ZNF532: variants seen among roughly 807,000 people sequenced by gnomAD.
ZNF532 encodes zinc finger protein 532.
A neutral mutation model predicts 89.3 loss-of-function variants in ZNF532; 22 were observed. The ratio of observed to expected loss-of-function variants is 0.25; its 90% CI spans 0.18 to 0.35. ZNF532 has a LOEUF of 0.35. Ranked by LOEUF, ZNF532 falls within the 10% of genes least tolerant of loss-of-function variation. ZNF532 has a pLI of 1.00. For missense variants in ZNF532, 1,132 were observed against 1,643.4 expected, an observed-to-expected ratio of 0.69 and a Z score of 5.38; for synonymous variants, 606 against 649.6, an observed-to-expected ratio of 0.93 and a Z score of 1.02.
chr18:58,872,383 C>G (rs1266616683), intron 2 of ZNF532, among the ~76,000 whole-genome samples: 1 of 152,186 alleles, frequency 6.6e-6, no homozygotes, highest in Non-Finnish European at 1.5e-5. Flanking sequence ...AAGGCTGACT[C>G]CCGGGGCTAG....
rs1244497694 is a variant in ZNF532 at position 58,864,877 on chromosome 18, A to C, written c.-636A>C. The C allele has an allele frequency of 6.6e-6, 1 of 152,338 alleles. No individual in the cohort carries two copies. Among genetic ancestry groups the C allele is most frequent in the Admixed American group, 6.5e-5 (1 of 15,284 alleles). 9.4% of individuals were successfully genotyped at this position (152,338 alleles called of 1,614,324 possible). ...CACAATGCAGTCACTGAGCTACTACAGTAGGATAGCAGCTTCCTCCCTTCA... is the reference window on the plus strand; with the variant it reads ...CACAATGCAGTCACTGAGCTACTACCGTAGGATAGCAGCTTCCTCCCTTCA... On this transcript the variant is annotated 5_prime_UTR_variant, in exon 1 of 10. Coordinates refer to ENST00000591808, the MANE Select transcript of ZNF532 (RefSeq NM_001375912.1).
intron 5 of ZNF532, among the ~76,000 whole-genome samples, chr18:58,941,710 C>T (rs1265239592): frequency 3.3e-5 from 5 of 152,164 alleles, no homozygotes; most frequent in South Asian, 4.2e-4. Context: ...CTCAAGCAGT[C>T]CTCTCAAAGT....
intron 7 of ZNF532, among the ~76,000 whole-genome samples, chr18:58,961,447 C>T (rs1207416647): frequency 1.3e-5 from 2 of 152,194 alleles, no homozygotes; most frequent in Non-Finnish European, 2.9e-5. Flanking sequence ...ATTGTCTCAA[C>T]GTAGGTGTTA....
chr18:58,890,918 C>G (rs1327768335), intron 2 of ZNF532, among the ~76,000 whole-genome samples: 1 of 151,458 alleles, frequency 6.6e-6, no homozygotes, highest in African/African-American at 2.4e-5. Flanking sequence ...TATCATAGCT[C>G]ACTGCAGCCT....
chr18:58,911,693 A>G (rs2060293826), intron 2 of ZNF532, among the ~76,000 whole-genome samples: 1 of 152,214 alleles, frequency 6.6e-6, no homozygotes, highest in South Asian at 2.1e-4. Flanking sequence ...TGTCAAAGGA[A>G]AGAAAAGAAG....
At chr18:58,933,627 GTTTAC>G (rs886149356) in intron 3 of ZNF532, among the ~76,000 whole-genome samples, 1 of 152,050 alleles carries the variant, frequency 6.6e-6, no homozygotes, top group Non-Finnish European at 1.5e-5. Flanking sequence ...CTCAGTTTAT[GTTTAC>G]TTTAAGTTTT....
At chr18:58,884,019 G>A (rs576763050) in intron 2 of ZNF532, among the ~76,000 whole-genome samples, 2 of 143,774 alleles carry the variant, frequency 1.4e-5, no homozygotes, top group East Asian at 5.3e-4. Context: ...TCTCTTCCAT[G>A]TTTTCTAATG....
Position 58,920,368 on chromosome 18 carries a change from C to T in ZNF532, c.2081C>T (p.Pro694Leu), listed in dbSNP as rs374472337. The T allele has an allele frequency of 7.5e-4, 1,203 of 1,613,966 alleles. 13 individuals carry two copies. The South Asian group carries it at 0.011, about 14-fold the overall frequency. Residue 694 changes from proline (P) to leucine (L), a missense_variant, in exon 3 of 10, where the codon CCG becomes CTG. By Grantham distance (98) the Pro-to-Leu change is moderately conservative. Around this residue, in one of 9 missense-constraint regions of ZNF532, gnomAD observed 70 missense variants for 152.1 expected, o/e 0.46. Coordinates refer to ENST00000591808, the MANE Select transcript of ZNF532 (RefSeq NM_001375912.1). The stretch of plus-strand genomic sequence containing the variant: ...CCAGCAGATCAAATGATAGTTTCTC[C>T]GTCAAGCAATACTTCCACTTCAACT... ...PVPADQMIVS[P>L]SSNTSTSTST...
At chr18:58,958,011 A>T (rs780173654) in intron 7 of ZNF532, among the ~76,000 whole-genome samples, 8 of 150,980 alleles carry the variant, frequency 5.3e-5, no homozygotes, top group Non-Finnish European at 1.2e-4. Context: ...GGTTGCAGTG[A>T]GCCAAGATTG....
At position 58,939,550 on chromosome 18, in the gene ZNF532, G is replaced by GT; in HGVS notation, c.2637dup (p.Lys880Ter). 6.2e-7 allele frequency: 1 copy of GT among 1,614,048 alleles called. No homozygotes were observed. ...ACAAGTGTCCTATTTGTCCAATGGC[G>GT]TTTAAGTCTGCCCCAAGCACACATT... On this transcript the variant is annotated frameshift_variant, in exon 5 of 10. Transcript: ENST00000591808. LOFTEE classifies it high-confidence loss of function.
At chr18:58,886,541 T>A (rs538916424) in intron 2 of ZNF532, among the ~76,000 whole-genome samples, 38 of 152,164 alleles carry the variant, frequency 2.5e-4, no homozygotes, top group Admixed American at 1.4e-3. Flanking sequence ...AACTGTGCAT[T>A]TAGATATGGT....
At chr18:58,972,182 G>A (rs2066536258) in intron 7 of ZNF532, among the ~76,000 whole-genome samples, 2 of 152,228 alleles carry the variant, frequency 1.3e-5, no homozygotes, top group Admixed American at 1.3e-4. Flanking sequence ...CAGCCTGGGC[G>A]ACAGAGACTC....
chr18:58,951,648 T>TTTTTTTTTGG lies in ZNF532; in HGVS notation c.2869-1862_2869-1861insGGTTTTTTTT, dbSNP rs1555746527. On this transcript the variant is annotated intron_variant, in intron 6 of 9. Transcript: ENST00000591808. The stretch of plus-strand genomic sequence containing the variant: ...ATCACCTCAGCCCTCGCCCTGTTGT[T>TTTTTTTTTGG]TTTTTTTTTTTTTTTTTTTGAGATG... Among the ~76,000 whole-genome samples the TTTTTTTTTGG allele has an allele frequency of 1.5e-4, 18 of 116,346 alleles. No individual in the cohort carries two copies. The East Asian group carries it at 3.3e-3, about 21-fold the overall frequency. The allele number at this position is 116,346 out of a possible 152,430, so 76.3% of individuals were successfully genotyped here.
At chr18:58,936,380 A>C (rs2062473479) in intron 4 of ZNF532, among the ~76,000 whole-genome samples, 2 of 152,264 alleles carry the variant, frequency 1.3e-5, no homozygotes, top group South Asian at 4.1e-4. Flanking sequence ...TCTTCTTTGC[A>C]CTAATGTCAA....
intron 2 of ZNF532, among the ~76,000 whole-genome samples, chr18:58,898,673 C>G (rs1351288838): frequency 1.3e-5 from 2 of 152,206 alleles, no homozygotes; most frequent in African/African-American, 2.4e-5. Context: ...AGGAGCCTGT[C>G]TCCATCTAGG....
At chr18:58,966,177 A>G (rs528818041) in intron 7 of ZNF532, among the ~76,000 whole-genome samples, 113 of 152,204 alleles carry the variant, frequency 7.4e-4, no homozygotes, top group African/African-American at 2.7e-3. Context: ...GATTAAGCTG[A>G]GAGATAAGCT....
At chr18:58,863,350 C>T (rs1200358864), upstream of ZNF532, 1 of 149,930 alleles carries the variant, frequency 6.7e-6, no homozygotes, top group Non-Finnish European at 1.5e-5. Flanking sequence ...CTTCTCGCCG[C>T]CGCCGGACTC....
intron 2 of ZNF532, among the ~76,000 whole-genome samples, chr18:58,872,454 A>G (rs1473729237): frequency 1.3e-5 from 2 of 152,188 alleles, no homozygotes; most frequent in African/African-American, 4.8e-5. Context: ...AGGGATTTCA[A>G]TAGTAAGAAT....
intron 5 of ZNF532, among the ~76,000 whole-genome samples, chr18:58,943,246 G>A (rs979090830): frequency 5.2e-5 from 7 of 133,474 alleles, no homozygotes; most frequent in South Asian, 2.6e-4. Context: ...TGCAACCTCC[G>A]CCTCCCGGGT....
Sources: gnomAD v4.1 joint callset for allele counts (sites outside exome capture counted in the v4.1 genomes callset) on GRCh38, gnomAD v4.1.1 for gene constraint, gnomAD v4.1.1 regional missense constraint, MANE v1.5 for transcripts, NCBI Gene and HGNC (gene_info 2026-07-23, HGNC 2026-07-21) for gene names.